QTMAN: variants seen among roughly 807,000 people sequenced by gnomAD.
The protein encoded by QTMAN is tRNA-queuosine alpha-mannosyltransferase.
the QTMAN span, among the ~76,000 whole-genome samples, chr2:144,016,707 T>G: frequency 6.6e-6 from 1 of 152,324 alleles, no homozygotes; most frequent in African/African-American, 2.4e-5. Flanking sequence ...GATTACTTTC[T>G]TCTTTCCAAA....
the QTMAN span, among the ~76,000 whole-genome samples, chr2:144,031,685 A>G: frequency 1.3e-5 from 2 of 152,226 alleles, no homozygotes; most frequent in Non-Finnish European, 2.9e-5. Flanking sequence ...AGTTTGAATA[A>G]GCAGCCAATT....
the QTMAN span, among the ~76,000 whole-genome samples, chr2:144,166,448 G>T: frequency 6.6e-6 from 1 of 152,130 alleles, no homozygotes; most frequent in African/African-American, 2.4e-5. Flanking sequence ...AATCGACAAA[G>T]GTATTGAAGG....
chr2:143,979,026 A>T, the QTMAN span, among the ~76,000 whole-genome samples: 1 of 152,210 alleles, frequency 6.6e-6, no homozygotes, highest in Non-Finnish European at 1.5e-5. Flanking sequence ...CCTCTTGGAT[A>T]GAAAGATGTA....
At chr2:143,952,534 G>A in the QTMAN span, among the ~76,000 whole-genome samples, 1 of 151,374 alleles carries the variant, frequency 6.6e-6, no homozygotes, top group Non-Finnish European at 1.5e-5. Flanking sequence ...ATTATGGGAT[G>A]TGTATGCTAA....
At chr2:144,317,945 A>G in the QTMAN span, among the ~76,000 whole-genome samples, 4 of 152,138 alleles carry the variant, frequency 2.6e-5, no homozygotes, top group Admixed American at 6.5e-5. Flanking sequence ...AATAACTTCA[A>G]ACTATCAATC....
At chr2:144,050,894 T>C in the QTMAN span, among the ~76,000 whole-genome samples, 1 of 152,292 alleles carries the variant, frequency 6.6e-6, no homozygotes, top group South Asian at 2.1e-4. Context: ...GACGCACTTT[T>C]TTAATGGAAT....
chr2:144,100,838 A>G, the QTMAN span, among the ~76,000 whole-genome samples: 1 of 141,042 alleles, frequency 7.1e-6, no homozygotes, highest in Non-Finnish European at 1.5e-5. Context: ...TTGCTAATTC[A>G]CTTTCATTTA....
chr2:143,960,479 T>C, the QTMAN span, among the ~76,000 whole-genome samples: 1 of 152,004 alleles, frequency 6.6e-6, no homozygotes, highest in East Asian at 1.9e-4. Context: ...TGAAACCATA[T>C]CAGGAAAGTC....
At chr2:144,295,992 A>G in the QTMAN span, among the ~76,000 whole-genome samples, 5 of 152,180 alleles carry the variant, frequency 3.3e-5, no homozygotes, top group Non-Finnish European at 7.4e-5. Context: ...TTTATTTTTC[A>G]GAACACTTTT....
chr2:143,966,863 T>G, the QTMAN span, among the ~76,000 whole-genome samples: 1 of 152,380 alleles, frequency 6.6e-6, no homozygotes, highest in East Asian at 1.9e-4. Context: ...GATGATTGTT[T>G]GCTTCATCAG....
the QTMAN span, among the ~76,000 whole-genome samples, chr2:144,153,137 G>A: frequency 8.4e-3 from 1,273 of 152,252 alleles, 5 homozygotes; most frequent in Non-Finnish European, 0.014. Context: ...AAACTGAAAC[G>A]GTGGCCCTCC....
chr2:144,263,338 A>C, the QTMAN span, among the ~76,000 whole-genome samples: 1 of 152,104 alleles, frequency 6.6e-6, no homozygotes, highest in South Asian at 2.1e-4. Context: ...TCTCTTTTAC[A>C]CCTATGGAAA....
chr2:144,134,184 T>C, the QTMAN span, among the ~76,000 whole-genome samples: 2 of 152,112 alleles, frequency 1.3e-5, no homozygotes, highest in Admixed American at 1.3e-4. Context: ...CTTTGCAATG[T>C]AAAATAGTGT....
chr2:144,185,657 G>C, the QTMAN span, among the ~76,000 whole-genome samples: 3 of 152,116 alleles, frequency 2.0e-5, no homozygotes, highest in Non-Finnish European at 4.4e-5. Context: ...ACAAGGGCTG[G>C]TTAAGAATTT....
the QTMAN span, among the ~76,000 whole-genome samples, chr2:144,183,902 T>C: frequency 6.6e-6 from 1 of 152,278 alleles, no homozygotes; most frequent in East Asian, 1.9e-4. Context: ...TCCTCATACG[T>C]GGCGCTTAGA....
chr2:144,149,487 T>C, the QTMAN span, among the ~76,000 whole-genome samples: 1 of 152,036 alleles, frequency 6.6e-6, no homozygotes, highest in Non-Finnish European at 1.5e-5. Flanking sequence ...AATTAAGCTG[T>C]TTTTAGACCA....
At chr2:144,148,020 T>C in the QTMAN span, among the ~76,000 whole-genome samples, 16 of 151,962 alleles carry the variant, frequency 1.1e-4, no homozygotes, top group Admixed American at 7.2e-4. Context: ...AAATCCAGTA[T>C]ATGATCCTTT....
the QTMAN span, among the ~76,000 whole-genome samples, chr2:144,051,407 G>A: frequency 3.3e-5 from 5 of 151,922 alleles, no homozygotes; most frequent in Admixed American, 2.0e-4. Context: ...ATGGTTGTAC[G>A]CATCTTTACT....
the QTMAN span, among the ~76,000 whole-genome samples, chr2:143,973,587 G>A: frequency 5.9e-5 from 9 of 151,794 alleles, no homozygotes; most frequent in Admixed American, 6.6e-5. Context: ...TCAGGAAATC[G>A]AGACCATCCT....
Sources: allele counts gnomAD v4.1 joint callset (sites outside exome capture counted in the v4.1 genomes callset), GRCh38; gene constraint gnomAD v4.1.1; transcripts MANE v1.5; gene names NCBI Gene and HGNC (gene_info 2026-07-23, HGNC 2026-07-21).